KRT78: variants seen among roughly 807,000 people sequenced by gnomAD.
KRT78 encodes the protein keratin 78, also known as keratin, type II cytoskeletal 78.
Under a neutral mutation model 51.4 loss-of-function variants are expected in KRT78, and 55 were observed. That is an observed-to-expected ratio of 1.07 (90% CI 0.86 to 1.34). The LOEUF (loss-of-function observed/expected upper bound fraction) is 1.34, where lower values mean the gene tolerates loss of function less well. KRT78 is among the 40% of genes most tolerant of loss of function. KRT78 has a pLI of 0.00. For missense variants in KRT78, 652 were observed against 649.4 expected (o/e 1.00, Z -0.04); for synonymous variants, 291 against 264.3 (o/e 1.10, Z -0.98).
intron 4 of KRT78, among the ~76,000 whole-genome samples, chr12:52,845,659 A>G (rs951830016): frequency 3.3e-5 from 5 of 152,118 alleles, no homozygotes; most frequent in South Asian, 2.1e-4. Flanking sequence ...CTGTCTCCCA[A>G]TAGAAAGCAA....
chr12:52,840,159 G>A (rs957804660), intron 6 of KRT78, among the ~76,000 whole-genome samples, 175 bp from the exon 7 acceptor site: 22 of 152,096 alleles, frequency 1.4e-4, no homozygotes, highest in Non-Finnish European at 8.8e-5. Flanking sequence ...CTCATTCTAA[G>A]GGAAGGTATT....
At chr12:52,840,491 AG>A (rs1211044292) in intron 6 of KRT78, among the ~76,000 whole-genome samples, 1 of 152,100 alleles carries the variant, frequency 6.6e-6, no homozygotes, top group Non-Finnish European at 1.5e-5. Flanking sequence ...TTACAAGGTG[AG>A]GAGTTCGAGA....
At chr12:52,841,486 CAA>C (rs56956757) in intron 6 of KRT78, among the ~76,000 whole-genome samples, 20 of 98,638 alleles carry the variant, frequency 2.0e-4, no homozygotes, top group East Asian at 5.0e-4. Context: ...GACTCCTTCT[CAA>C]AAAAAAAAAA....
intron 1 of KRT78, 104 bp from the exon 2 acceptor site, chr12:52,848,225 C>CA: frequency 6.5e-7 from 1 of 1,547,468 alleles, no homozygotes; most frequent in East Asian, 2.4e-5. Context: ...CACCTTTCCC[C>CA]TGTCCCCCTG....
In KRT78 at chr12:52,842,959, G is replaced by GGA. The variant is rs1555182925; in HGVS notation, c.1047+1133_1047+1134insTC. ...AGAAAGAGAGAGAGAGAGAGAGAGA[G>GGA]AGGAAGGAAGGAAGGAAGGAAGGAA... On this transcript the variant is annotated intron_variant, in intron 6 of 8. Coordinates refer to ENST00000304620, the MANE Select transcript of KRT78 (RefSeq NM_173352.4). Among the ~76,000 whole-genome samples, 468 of 53,728 alleles carry GGA rather than the reference G, an allele frequency of 8.7e-3. 17 individuals carry two copies. Among genetic ancestry groups the GGA allele is most frequent in the African/African-American group, 0.048 (415 of 8,630 alleles). The allele number at this position is 53,728 out of a possible 152,430, so 35.2% of individuals were successfully genotyped here.
chr12:52,846,826 T>A lies in KRT78; in HGVS notation c.600-2A>T. The A allele has an allele frequency of 6.2e-7, 1 of 1,612,776 alleles. No homozygotes were observed. The highest frequency in any genetic ancestry group is 8.5e-7 in the Non-Finnish European group (1 of 1,179,004). On this transcript the variant is annotated splice_acceptor_variant, in intron 2 of 8. Transcript: ENST00000304620. LOFTEE classifies it high-confidence loss of function. Reference sequence around the variant, plus strand: ...CGCCTGTGGGCCTCCTCCTCATACCTGCCAAATAAGTAGAGAAGGATGCAG... The same window carrying A: ...CGCCTGTGGGCCTCCTCCTCATACCAGCCAAATAAGTAGAGAAGGATGCAG...
In KRT78 at chr12:52,848,537, T is replaced by A; in HGVS notation, c.384+10A>T. On this transcript the variant is annotated intron_variant, in intron 1 of 8. Coordinates refer to ENST00000304620, the MANE Select transcript of KRT78 (RefSeq NM_173352.4). ...CACAGAGACAGGGGCTTGGCTGAGT[T>A]GACCCTCACCTTGTCAATGAAGGAA... is the stretch of plus-strand genomic sequence containing the variant. 6.2e-7 allele frequency: 1 copy of A among 1,613,434 alleles called. No individual in the cohort carries two copies.
chr12:52,848,228 TCCC>T, intron 1 of KRT78, 107 bp from the exon 2 acceptor site: 8 of 1,546,244 alleles, frequency 5.2e-6, no homozygotes, highest in Non-Finnish European at 7.0e-6. Flanking sequence ...CTTTCCCCTG[TCCC>T]CCTGCCCAAC....
intron 6 of KRT78, among the ~76,000 whole-genome samples, chr12:52,843,700 A>AAAAAAAAAAAAAAG (rs1565699371): frequency 6.7e-6 from 1 of 148,962 alleles, no homozygotes; most frequent in African/African-American, 2.6e-5. Flanking sequence ...AAAAAAAAAA[A>AAAAAAAAAAAAAAG]AAAAAGAAAA....
chr12:52,846,743 A>G, intron 3 of KRT78, 21 bp downstream of exon 3: 1 of 1,608,648 alleles, frequency 6.2e-7, no homozygotes, highest in African/African-American at 1.3e-5. Context: ...ACGTAAGTGG[A>G]GCACTGGCCC....
intron 4 of KRT78, among the ~76,000 whole-genome samples, chr12:52,845,766 T>C (rs540013069): frequency 8.5e-5 from 13 of 152,142 alleles, no homozygotes; most frequent in African/African-American, 3.1e-4. Flanking sequence ...CCAGCCTAGC[T>C]AAGATGGTGA....
At chr12:52,842,223 T>C (rs1415426868) in intron 6 of KRT78, among the ~76,000 whole-genome samples, 3 of 152,130 alleles carry the variant, frequency 2.0e-5, no homozygotes, top group Non-Finnish European at 4.4e-5. Context: ...GGACCACATG[T>C]GACTTTTGAA....
intron 3 of KRT78, 33 bp downstream of exon 3, chr12:52,846,731 G>C (rs758284818): frequency 6.9e-6 from 11 of 1,596,302 alleles, no homozygotes; most frequent in Non-Finnish European, 8.6e-6. Flanking sequence ...TGGATGCTCA[G>C]AACGTAAGTG....
chr12:52,839,074 G>C lies in KRT78; in HGVS notation c.*39C>G. The C allele has an allele frequency of 6.3e-7, 1 of 1,593,948 alleles. No individual in the cohort carries two copies. The highest frequency in any genetic ancestry group is 8.5e-7 in the Non-Finnish European group (1 of 1,172,374). On this transcript the variant is annotated 3_prime_UTR_variant, in exon 9 of 9. Coordinates refer to ENST00000304620, the MANE Select transcript of KRT78 (RefSeq NM_173352.4). Reference sequence around the variant, plus strand: ...GCAGAGCCGGCTGATGGGGGGAGTGGGCCAAATGTGTTCAGGAAGGAGGTG... The same window carrying C: ...GCAGAGCCGGCTGATGGGGGGAGTGCGCCAAATGTGTTCAGGAAGGAGGTG...
rs1245080971 is a variant in KRT78 at position 52,843,026 on chromosome 12, GAGGGAGGGAGGGAGGGAGGGA to G, written c.1047+1046_1047+1066del. Among the ~76,000 whole-genome samples the G allele has an allele frequency of 4.3e-4, 48 of 112,782 alleles. 2 individuals carry two copies. The East Asian group carries it at 5.4e-3, about 13-fold the overall frequency. The allele number at this position is 112,782 out of a possible 152,430, so 74.0% of individuals were successfully genotyped here. ...GGAAGGAAGGAGGGAGGGAGGGAGG[GAGGGAGGGAGGGAGGGAGGGA>G]AGGGAGGAAGGAAGAAAGAAAGAAA... On this transcript the variant is annotated intron_variant, in intron 6 of 8. Coordinates refer to ENST00000304620, the MANE Select transcript of KRT78 (RefSeq NM_173352.4).
chr12:52,842,989 G>GGAAA (rs1940542562), intron 6 of KRT78, among the ~76,000 whole-genome samples: 2 of 91,884 alleles, frequency 2.2e-5, no homozygotes, highest in African/African-American at 9.2e-5. Context: ...AAGGAAGGAA[G>GGAAA]GAAGGAAGGA....
chr12:52,841,662 TCTCTA>T (rs761958733), intron 6 of KRT78, among the ~76,000 whole-genome samples: 1 of 152,102 alleles, frequency 6.6e-6, no homozygotes, highest in Non-Finnish European at 1.5e-5. Context: ...AGAAACATAA[TCTCTA>T]CTCTATAGAT....
intron 2 of KRT78, 129 bp from the exon 3 acceptor site, chr12:52,846,953 C>A (rs779647088): frequency 1.9e-5 from 13 of 671,008 alleles, no homozygotes; most frequent in African/African-American, 9.1e-5. Context: ...CAATAACCAG[C>A]CCTTCTCTCC....
At chr12:52,843,932 G>T (rs1009980346) in intron 6 of KRT78, among the ~76,000 whole-genome samples, 161 bp downstream of exon 6, 13 of 152,110 alleles carry the variant, frequency 8.5e-5, no homozygotes, top group African/African-American at 3.1e-4. Context: ...GATGGGGCTT[G>T]AAGTTCTCTT....
Sources: allele counts gnomAD v4.1 joint callset (sites outside exome capture counted in the v4.1 genomes callset), GRCh38; gene constraint gnomAD v4.1.1; transcripts MANE v1.5; gene names NCBI Gene and HGNC (gene_info 2026-07-23, HGNC 2026-07-21).